Variants in NPR2 observed in about 807,000 individuals in gnomAD.
NPR2 encodes the protein atrial natriuretic peptide receptor 2.
In NPR2, 49 loss-of-function variants were observed where a neutral mutation model predicts 120.7. That is an observed-to-expected ratio of 0.41 (90% CI 0.32 to 0.52). The LOEUF (loss-of-function observed/expected upper bound fraction) is 0.52, where lower values mean the gene tolerates loss of function less well. NPR2 is among the 20% of genes least tolerant of loss of function. NPR2 has a pLI of 0.36. For synonymous variants in NPR2, 484 were observed against 519.8 expected, an observed-to-expected ratio of 0.93 and a Z score of 0.94; for missense variants, 931 against 1,362.9, an observed-to-expected ratio of 0.68 and a Z score of 4.99.
At position 35,806,655 on chromosome 9, in the gene NPR2, A is replaced by G; in HGVS notation, c.2519+117A>G. ...CCTCAGAACCCTGCTGGCCACAGGG[A>G]GCACCCCTGCTTATAGATTATTTGC... On this transcript the variant is annotated intron_variant, in intron 16 of 21. Coordinates refer to ENST00000342694, the MANE Select transcript of NPR2 (RefSeq NM_003995.4). The surrounding 1 kb of genome is among the most constrained non-coding windows in gnomAD (Gnocchi z 4.6). The G allele has an allele frequency of 9.2e-7, 1 of 1,087,356 alleles. No individual in the cohort carries two copies. 67.4% of individuals were successfully genotyped at this position (1,087,356 alleles called of 1,614,324 possible). A position where few individuals can be genotyped will look rare whatever the true frequency, so the allele number is the denominator to read the frequency against.
At chr9:35,795,059 C>T (rs887437568) in intron 2 of NPR2, among the ~76,000 whole-genome samples, 3 of 152,180 alleles carry the variant, frequency 2.0e-5, no homozygotes, top group African/African-American at 7.2e-5. Context: ...TTCACTCCTG[C>T]TCAAAACTTT....
chr9:35,809,230 G>C lies in NPR2; in HGVS notation c.3061G>C (p.Gly1021Arg). 1 of 1,614,094 alleles carries C rather than the reference G, an allele frequency of 6.2e-7. No homozygotes were observed. Among genetic ancestry groups the C allele is most frequent in the Non-Finnish European group, 8.5e-7 (1 of 1,180,022 alleles). The change falls in exon 21 of 22, where the codon GGG becomes CGG. Residue 1021 changes from glycine (G) to arginine (R), a missense_variant. Around this residue, in one of 3 missense-constraint regions of NPR2, gnomAD observed 184 missense variants for 328.3 expected, o/e 0.56. Transcript: ENST00000342694. The surrounding 1 kb of genome is among the most constrained non-coding windows in gnomAD (Gnocchi z 4.1). The part of the protein sequence containing the change: ...ELGCFQLELR[G>R]DVEMKGKGKM... ...AGGATGCTTCCAGCTAGAGCTTCGG[G>C]GGGATGTGGAAATGAAGGTGATGGC...
Position 35,808,558 on chromosome 9 carries a change from G to C in NPR2, c.2762G>C (p.Arg921Pro). ...ATGGTGGTATCTGGCCTCCCAGGCC[G>C]AAATGGTCAACGCCATGCACCAGAA... ...AYMVVSGLPG[R>P]NGQRHAPEIA... is the part of the protein sequence containing the mutation. The change falls in exon 19 of 22, where the codon CGA (arginine) becomes CCA (proline). Residue 921 changes from arginine (R) to proline (P), a missense_variant. By Grantham distance (103) the Arg-to-Pro change is moderately radical. Transcript: ENST00000342694. This position sits in a 1 kb window ranked among gnomAD's most constrained non-coding sequence, Gnocchi z 4.0. The C allele has an allele frequency of 1.2e-6, 2 of 1,614,124 alleles. No individual in the cohort carries two copies. The highest frequency in any genetic ancestry group is 8.5e-7 in the Non-Finnish European group (1 of 1,180,022).
At position 35,808,768 on chromosome 9, in the gene NPR2, T is replaced by C; in HGVS notation, c.2901T>C (p.Ala967=). The stretch of plus-strand genomic sequence containing the variant: ...TTCTTCTCAAAGGGCCAGTCTGTGC[T>C]GGGGTTGTTGGCCTGAAGATGCCCC... ...RIGVHTGPVC[A]GVVGLKMPRY... is the part of the protein sequence containing the mutation. Residue 967 remains alanine (A), a synonymous_variant, in exon 20 of 22, where the codon GCT becomes GCC. Coordinates refer to ENST00000342694, the MANE Select transcript of NPR2 (RefSeq NM_003995.4). This position sits in a 1 kb window ranked among gnomAD's most constrained non-coding sequence, Gnocchi z 4.0. 1 of 1,613,664 alleles carries C rather than the reference T, an allele frequency of 6.2e-7. No homozygotes were observed. The highest frequency in any genetic ancestry group is 2.2e-5 in the East Asian group (1 of 44,886).
rs1178037349 is a variant in NPR2, at chr9:35,805,834, G to T, written c.2052G>T (p.Lys684Asn). 6.2e-7 allele frequency: 1 copy of T among 1,614,062 alleles called. No homozygotes were observed. The highest frequency in any genetic ancestry group is 8.5e-7 in the Non-Finnish European group (1 of 1,180,030). ...PDDSHALYAK[K>N]LWTAPELLSG... is the part of the protein sequence containing the mutation. ...CAGCCGGTTTCCTCTTTTCAGAGAAGCTGTGGACTGCCCCAGAACTGCTCA... is the reference window on the plus strand; with the variant it reads ...CAGCCGGTTTCCTCTTTTCAGAGAATCTGTGGACTGCCCCAGAACTGCTCA... Residue 684 changes from lysine (K) to asparagine (N), a missense_variant, in exon 14 of 22, where the codon AAG (lysine) becomes AAT (asparagine). Transcript: ENST00000342694. This position sits in a 1 kb window ranked among gnomAD's most constrained non-coding sequence, Gnocchi z 4.9.
At chr9:35,807,956 A>G in intron 18 of NPR2, 1 of 566,764 alleles carries the variant, frequency 1.8e-6, no homozygotes, top group South Asian at 2.1e-5. Flanking sequence ...AGTACCTAAC[A>G]TTGTTTGGCA....
chr9:35,809,614 C>A lies in NPR2; in HGVS notation c.*169C>A, dbSNP rs1828655032. ...TAGCCCTCTGCAGCTCAGCCCTGTA[C>A]ATATACCTGTCCCTCTCTGGCTTGG... On this transcript the variant is annotated 3_prime_UTR_variant, in exon 22 of 22. Transcript: ENST00000342694. The surrounding 1 kb of genome is among the most constrained non-coding windows in gnomAD (Gnocchi z 4.1). The A allele has an allele frequency of 8.5e-7, 1 of 1,175,408 alleles. No homozygotes were observed. Among genetic ancestry groups the A allele is most frequent in the Non-Finnish European group, 1.3e-6 (1 of 787,766 alleles). 72.8% of individuals were successfully genotyped at this position (1,175,408 alleles called of 1,614,324 possible). A position where few individuals can be genotyped will look rare whatever the true frequency, so the allele number is the denominator to read the frequency against.
At chr9:35,793,876 T>C in intron 1 of NPR2, 22 bp from the exon 2 acceptor site, 1 of 1,613,646 alleles carries the variant, frequency 6.2e-7, no homozygotes, top group Non-Finnish European at 8.5e-7. Context: ...AGGGTGCTCC[T>C]CTGTCATGTA....
chr9:35,795,704 C>G (rs909378538), intron 2 of NPR2, among the ~76,000 whole-genome samples: 1 of 152,186 alleles, frequency 6.6e-6, no homozygotes, highest in Admixed American at 6.5e-5. Flanking sequence ...AATCTTCTCA[C>G]CTTTGTCTGG....
intron 2 of NPR2, among the ~76,000 whole-genome samples, chr9:35,799,257 C>G (rs1020905244): frequency 6.6e-6 from 1 of 152,050 alleles, no homozygotes; most frequent in African/African-American, 2.4e-5. Flanking sequence ...GCTGTGGTGG[C>G]CTGGCAGGAA....
intron 7 of NPR2, 42 bp from the exon 8 acceptor site, chr9:35,801,601 G>A: frequency 6.2e-7 from 1 of 1,613,610 alleles, no homozygotes; most frequent in Non-Finnish European, 8.5e-7. Flanking sequence ...GGGGGTGGCA[G>A]GATTCGGCTT....
intron 12 of NPR2, among the ~76,000 whole-genome samples, chr9:35,804,976 C>T (rs1017636645): frequency 1.4e-5 from 2 of 140,414 alleles, no homozygotes; most frequent in Non-Finnish European, 3.1e-5. Flanking sequence ...CTTGTTCCTC[C>T]TCTACCCCGA....
At position 35,802,781 on chromosome 9, in the gene NPR2, C is replaced by T; in HGVS notation, c.1865C>T (p.Ser622Leu). ...AACTTGGACTGGATGTTTCGTTATT[C>T]ACTCATTAATGACCTTGTTAAGGTG... ...SINLDWMFRY[S>L]LINDLVKGMA... Residue 622 changes from serine to leucine, a missense_variant, in exon 12 of 22, where the codon TCA becomes TTA. Transcript: ENST00000342694. This position sits in a 1 kb window ranked among gnomAD's most constrained non-coding sequence, Gnocchi z 4.2. 1 of 1,611,268 alleles carries T rather than the reference C, an allele frequency of 6.2e-7. No individual in the cohort carries two copies. Among genetic ancestry groups the T allele is most frequent in the Non-Finnish European group, 8.5e-7 (1 of 1,177,418 alleles).
chr9:35,808,988 T>C lies in NPR2; in HGVS notation c.2986+135T>C. 1.1e-6 allele frequency: 1 copy of C among 935,016 alleles called. No individual in the cohort carries two copies. Among genetic ancestry groups the C allele is most frequent in the South Asian group, 1.3e-5 (1 of 76,524 alleles). The allele number at this position is 935,016 out of a possible 1,614,324, so 57.9% of individuals were successfully genotyped here. ...CGCATCCTCGGGCATATTTTGGTTC[T>C]AATAGATATGCATTGGGAGGTTGGG... On this transcript the variant is annotated intron_variant, in intron 20 of 21. Transcript: ENST00000342694. This position sits in a 1 kb window ranked among gnomAD's most constrained non-coding sequence, Gnocchi z 4.0.
chr9:35,800,567 C>G lies in NPR2; in HGVS notation c.1218+84C>G, dbSNP rs1828111873. On this transcript the variant is annotated intron_variant, in intron 5 of 21. Coordinates refer to ENST00000342694, the MANE Select transcript of NPR2 (RefSeq NM_003995.4). The surrounding 1 kb of genome is among the most constrained non-coding windows in gnomAD (Gnocchi z 4.7). ...TTCAGTCGGGGCAGAACCAAAACTA[C>G]TAGATGAGGGATTTGTTTTCTCTGC... The G allele has an allele frequency of 6.4e-7, 1 of 1,564,978 alleles. No individual in the cohort carries two copies. The highest frequency in any genetic ancestry group is 1.1e-5 in the South Asian group (1 of 89,944).
In NPR2 at chr9:35,808,039, TG is replaced by T; in HGVS notation, c.2713-469del. ...AGTGTGTATTTCCTAAAAACTTCAC[TG>T]TGTATTTCCTTAAAACAATGGCATT... On this transcript the variant is annotated intron_variant, in intron 18 of 21. Coordinates refer to ENST00000342694, the MANE Select transcript of NPR2 (RefSeq NM_003995.4). The surrounding 1 kb of genome is among the most constrained non-coding windows in gnomAD (Gnocchi z 4.0). 1 of 697,770 alleles carries T rather than the reference TG, an allele frequency of 1.4e-6. No individual in the cohort carries two copies. Among genetic ancestry groups the T allele is most frequent in the South Asian group, 1.7e-5 (1 of 57,510 alleles). 43.2% of individuals were successfully genotyped at this position (697,770 alleles called of 1,614,324 possible).
In NPR2 at chr9:35,802,866, G is replaced by T. The variant is rs530570338; in HGVS notation, c.1887+63G>T. On this transcript the variant is annotated intron_variant, in intron 12 of 21. Coordinates refer to ENST00000342694, the MANE Select transcript of NPR2 (RefSeq NM_003995.4). This position sits in a 1 kb window ranked among gnomAD's most constrained non-coding sequence, Gnocchi z 4.2. The stretch of plus-strand genomic sequence containing the variant: ...AAATCACTTCCACTGTTCTTTGATT[G>T]TGGTTTTTCTCCTTCTAGTCCTCTG... 40 of 1,163,066 alleles carry T rather than the reference G, an allele frequency of 3.4e-5. No individual in the cohort carries two copies. The African/African-American group carries it at 5.0e-4, about 14-fold the overall frequency. The allele number at this position is 1,163,066 out of a possible 1,614,324, so 72.0% of individuals were successfully genotyped here. A position where few individuals can be genotyped will look rare whatever the true frequency, so the allele number is the denominator to read the frequency against.
chr9:35,805,758 T>C lies in NPR2; in HGVS notation c.2048-72T>C, dbSNP rs1588065886. 12 of 1,607,212 alleles carry C rather than the reference T, an allele frequency of 7.5e-6. No homozygotes were observed. Among genetic ancestry groups the C allele is most frequent in the Non-Finnish European group, 1.0e-5 (12 of 1,174,472 alleles). On this transcript the variant is annotated intron_variant, in intron 13 of 21. Transcript: ENST00000342694. This position sits in a 1 kb window ranked among gnomAD's most constrained non-coding sequence, Gnocchi z 4.9. ...AGAGGGAGGTGGAGTGACAGTAATA[T>C]AGGGATGAGCCCAGGTGGGCTTGGG...
chr9:35,795,709 G>C (rs1827926347), intron 2 of NPR2, among the ~76,000 whole-genome samples: 1 of 152,150 alleles, frequency 6.6e-6, no homozygotes, highest in Non-Finnish European at 1.5e-5. Flanking sequence ...TCTCACCTTT[G>C]TCTGGGTAAT....
Sources: gnomAD v4.1 joint callset for allele counts (sites outside exome capture counted in the v4.1 genomes callset) on GRCh38, gnomAD v4.1.1 for gene constraint, gnomAD v4.1.1 regional missense constraint, Gnocchi (gnomAD v3.1) non-coding constraint, MANE v1.5 for transcripts, NCBI Gene and HGNC (gene_info 2026-07-23, HGNC 2026-07-21) for gene names.